GRIK4: variants seen among roughly 807,000 people sequenced by gnomAD.
GRIK4 encodes the protein glutamate receptor ionotropic, kainate 4.
A neutral mutation model predicts 104.9 loss-of-function variants in GRIK4; 40 were observed. The observed-to-expected ratio is 0.38, with a 90% CI of 0.30 to 0.50. GRIK4 has a LOEUF of 0.50. Among genes scored for constraint, GRIK4 ranks in the 20% least tolerant of loss-of-function variants. The probability of loss-of-function intolerance (pLI) is 0.93; values close to 1 mark genes in which losing one functional copy is unlikely to be tolerated. For synonymous variants in GRIK4, 485 were observed against 524.9 expected (o/e 0.92, Z 1.04); for missense variants, 1,047 against 1,308.1 (o/e 0.80, Z 3.08).
chr11:120,698,063 T>C (rs1340836183), intron 3 of GRIK4, among the ~76,000 whole-genome samples: 1 of 152,090 alleles, frequency 6.6e-6, no homozygotes, highest in East Asian at 1.9e-4. Flanking sequence ...GTGTCCCCCC[T>C]GGCTTTGTGT....
intron 14 of GRIK4, among the ~76,000 whole-genome samples, chr11:120,950,434 T>C (rs1943972626): frequency 6.6e-6 from 1 of 152,220 alleles, no homozygotes; most frequent in Non-Finnish European, 1.5e-5. Context: ...ATTTCACTTG[T>C]GATATAATCA....
intron 3 of GRIK4, among the ~76,000 whole-genome samples, chr11:120,666,951 A>G (rs61900956): frequency 0.14 from 21,141 of 152,168 alleles, 1,591 homozygotes; most frequent in South Asian, 0.24. Flanking sequence ...TTGGGAGTGG[A>G]AATTATGGAA....
intron 1 of GRIK4, among the ~76,000 whole-genome samples, chr11:120,617,693 TG>T (rs1331834624): frequency 1.3e-5 from 2 of 152,198 alleles, no homozygotes; most frequent in African/African-American, 4.8e-5. Context: ...TTTAAAAGTG[TG>T]TAGCACCTCC....
intron 1 of GRIK4, among the ~76,000 whole-genome samples, chr11:120,582,290 G>GTATATATGTACATATACATTATACA (rs1948595008): frequency 6.7e-6 from 1 of 149,632 alleles, no homozygotes; most frequent in Non-Finnish European, 1.5e-5. Flanking sequence ...TACATTATAC[G>GTATATATGTACATATACATTATACA]TATGTATATA....
chr11:120,929,842 G>GTCT (rs10664109), intron 13 of GRIK4, among the ~76,000 whole-genome samples: 116,185 of 151,786 alleles, frequency 0.77, 45,812 homozygotes, highest in East Asian at 0.99. Context: ...ACGGCTTCAA[G>GTCT]TCCTTAGGTT....
In GRIK4 at chr11:120,517,513, G is replaced by A. The variant is rs888638861; in HGVS notation, c.-159+5626G>A. 1.1e-4 allele frequency among the ~76,000 whole-genome samples: 17 copies of A among 148,828 alleles called. 2 individuals are homozygous for A. The highest frequency in any genetic ancestry group is 4.1e-4 in the African/African-American group (16 of 39,316). On this transcript the variant is annotated intron_variant, in intron 1 of 20. Transcript: ENST00000527524. ...CCCCGCCTGTGCACCCCTGACTTCC[G>A]CCTAAAGTTGGAGAGCAGGGAGACC...
At chr11:120,757,747 T>C (rs911834043) in intron 3 of GRIK4, among the ~76,000 whole-genome samples, 1 of 152,180 alleles carries the variant, frequency 6.6e-6, no homozygotes, top group Non-Finnish European at 1.5e-5. Flanking sequence ...AAGTCTCAGT[T>C]ATCTGCGGAG....
chr11:120,675,554 A>C (rs1000261100), intron 3 of GRIK4, among the ~76,000 whole-genome samples: 15 of 152,192 alleles, frequency 9.9e-5, no homozygotes, highest in African/African-American at 3.4e-4. Flanking sequence ...CATATAAGAA[A>C]TATTAGTTTC....
chr11:120,976,591 C>T (rs1400696386), intron 19 of GRIK4, among the ~76,000 whole-genome samples: 1 of 152,224 alleles, frequency 6.6e-6, no homozygotes, highest in Non-Finnish European at 1.5e-5. Flanking sequence ...TTCCAAGAAT[C>T]CATGTTCTTG....
intron 1 of GRIK4, chr11:120,620,363 G>T: frequency 5.1e-6 from 3 of 590,302 alleles, no homozygotes; most frequent in Non-Finnish European, 6.2e-6. Context: ...CACTTGTCTC[G>T]AGCCACCACA....
chr11:120,523,877 C>T (rs374312779), intron 1 of GRIK4, among the ~76,000 whole-genome samples: 2 of 151,380 alleles, frequency 1.3e-5, no homozygotes, highest in East Asian at 1.9e-4. Flanking sequence ...TCATCTGTCT[C>T]CCCACAAGGC....
intron 8 of GRIK4, among the ~76,000 whole-genome samples, chr11:120,847,560 TAC>T (rs575851817): frequency 9.3e-4 from 142 of 152,306 alleles, no homozygotes; most frequent in Non-Finnish European, 1.6e-3. Context: ...AAGTGGGGGA[TAC>T]ACACAGTTAA....
intron 1 of GRIK4, among the ~76,000 whole-genome samples, chr11:120,644,356 ATAACT>A (rs535496898): frequency 8.9e-4 from 136 of 152,312 alleles, no homozygotes; most frequent in African/African-American, 3.1e-3. Flanking sequence ...ATATTTATTG[ATAACT>A]TAACTATGTG....
intron 11 of GRIK4, among the ~76,000 whole-genome samples, chr11:120,877,818 C>G (rs911157679): frequency 2.0e-5 from 3 of 152,150 alleles, no homozygotes; most frequent in Non-Finnish European, 4.4e-5. Flanking sequence ...AGCCTGATCC[C>G]AGACTTTGAA....
chr11:120,704,913 G>C (rs548053450), intron 3 of GRIK4, among the ~76,000 whole-genome samples: 1 of 152,260 alleles, frequency 6.6e-6, no homozygotes, highest in South Asian at 2.1e-4. Flanking sequence ...GGTGGCATGT[G>C]GTTTTCCAGT....
At chr11:120,800,459 G>A (rs950297523) in intron 3 of GRIK4, among the ~76,000 whole-genome samples, 36 of 152,154 alleles carry the variant, frequency 2.4e-4, no homozygotes, top group African/African-American at 8.2e-4. Flanking sequence ...CGTGCTTCCC[G>A]CAGGTGGGGG....
In GRIK4 at chr11:120,952,792, C is replaced by A. The variant is rs973705707; in HGVS notation, c.1591-63C>A. On this transcript the variant is annotated intron_variant, in intron 14 of 20. Transcript: ENST00000527524. The surrounding 1 kb of genome is among the most constrained non-coding windows in gnomAD (Gnocchi z 5.2). ...TCACTACCTCCTCTACCCCGCCCTG[C>A]CTGCCCCAAGGTCATGTTGACTGAA... 1.8e-6 allele frequency: 2 copies of A among 1,135,154 alleles called. No homozygotes were observed. Among genetic ancestry groups the A allele is most frequent in the African/African-American group, 1.5e-5 (1 of 66,368 alleles). The allele number at this position is 1,135,154 out of a possible 1,614,324, so 70.3% of individuals were successfully genotyped here. A position where few individuals can be genotyped will look rare whatever the true frequency, so the allele number is the denominator to read the frequency against.
At chr11:120,559,864 C>T (rs1209539767) in intron 1 of GRIK4, among the ~76,000 whole-genome samples, 1 of 152,134 alleles carries the variant, frequency 6.6e-6, no homozygotes, top group East Asian at 1.9e-4. Flanking sequence ...CTGCATTACA[C>T]CAGCAGCGAG....
chr11:120,952,753 G>A lies in GRIK4; in HGVS notation c.1591-102G>A. 1.3e-6 allele frequency: 1 copy of A among 799,296 alleles called. No homozygotes were observed. The highest frequency in any genetic ancestry group is 1.7e-5 in the African/African-American group (1 of 59,674). The allele number at this position is 799,296 out of a possible 1,614,324, so 49.5% of individuals were successfully genotyped here. ...CAGAACCCACAGAAATGGGAACTGG[G>A]GCCAGACCCACACTCACTACCTCCT... is the stretch of plus-strand genomic sequence containing the variant. On this transcript the variant is annotated intron_variant, in intron 14 of 20. Coordinates refer to ENST00000527524, the MANE Select transcript of GRIK4 (RefSeq NM_014619.5). This position sits in a 1 kb window ranked among gnomAD's most constrained non-coding sequence, Gnocchi z 5.2.
Sources: gnomAD v4.1 joint callset for allele counts (sites outside exome capture counted in the v4.1 genomes callset) on GRCh38, gnomAD v4.1.1 for gene constraint, Gnocchi (gnomAD v3.1) non-coding constraint, MANE v1.5 for transcripts, NCBI Gene and HGNC (gene_info 2026-07-23, HGNC 2026-07-21) for gene names.